The following PRDM5 variants were observed in gnomAD, a reference collection of about 807,000 sequenced individuals.
PRDM5 encodes PR domain zinc finger protein 5.
In PRDM5, 56 loss-of-function variants were observed where a neutral mutation model predicts 81.2. The observed-to-expected ratio is 0.69, with a 90% CI of 0.56 to 0.86. The LOEUF (loss-of-function observed/expected upper bound fraction) is 0.86. PRDM5 is among the 40% of genes least tolerant of loss of function. The pLI is 0.00. For synonymous variants in PRDM5, 267 were observed against 256.4 expected, an observed-to-expected ratio of 1.04 and a Z score of -0.39; for missense variants, 697 against 770.1, an observed-to-expected ratio of 0.91 and a Z score of 1.12.
At chr4:120,807,111 A>G (rs1654905541) in intron 8 of PRDM5, among the ~76,000 whole-genome samples, 2 of 152,250 alleles carry the variant, frequency 1.3e-5, no homozygotes, top group South Asian at 4.1e-4. Context: ...GCTCATCATC[A>G]CTGGCCATCA....
intron 14 of PRDM5, among the ~76,000 whole-genome samples, chr4:120,727,722 G>T (rs1739634635): frequency 6.6e-6 from 1 of 152,082 alleles, no homozygotes; most frequent in South Asian, 2.1e-4. Context: ...GATCACTTGA[G>T]TTCAGGAGTT....
intron 9 of PRDM5, among the ~76,000 whole-genome samples, chr4:120,799,120 T>C (rs763182996): frequency 6.6e-6 from 1 of 151,116 alleles, no homozygotes; most frequent in South Asian, 2.1e-4. Context: ...TTTTTTAATC[T>C]GCATTAGTAA....
In PRDM5 at chr4:120,861,485, C is replaced by T. The variant is rs369073510; in HGVS notation, c.178-7945G>A. ...ATATCCCAGATCCAGAGATCACAGT[C>T]TTGATGGTGTTTTTAGAAAAAGATG... On this transcript the variant is annotated intron_variant, in intron 2 of 15. Transcript: ENST00000264808. 4.6e-5 allele frequency among the ~76,000 whole-genome samples: 7 copies of T among 152,162 alleles called. 1 individual carries two copies. Among genetic ancestry groups the T allele is most frequent in the African/African-American group, 1.4e-4 (6 of 41,514 alleles).
At chr4:120,818,653 T>C in intron 4 of PRDM5, 126 bp from the exon 5 acceptor site, 1 of 810,972 alleles carries the variant, frequency 1.2e-6, no homozygotes, top group African/African-American at 1.7e-5. Flanking sequence ...AAATTCTTAT[T>C]ATCACTATAA....
At position 120,754,541 on chromosome 4, in the gene PRDM5, A is replaced by G. The variant is rs370824618; in HGVS notation, c.1623+12T>C. 3.4e-5 allele frequency: 52 copies of G among 1,523,814 alleles called. No homozygotes were observed. The highest frequency in any genetic ancestry group is 4.7e-5 in the Non-Finnish European group (52 of 1,098,386). 94.4% of individuals were successfully genotyped at this position (1,523,814 alleles called of 1,614,324 possible). ...TCATGATCAATATTAATGAAACAGA[A>G]TATAATCTTACCCTGGTGTGAGTAC... is the stretch of plus-strand genomic sequence containing the variant. On this transcript the variant is annotated intron_variant, in intron 14 of 15. Coordinates refer to ENST00000264808, the MANE Select transcript of PRDM5 (RefSeq NM_018699.4).
chr4:120,824,778 T>C (rs1755744201), intron 3 of PRDM5, among the ~76,000 whole-genome samples: 1 of 152,162 alleles, frequency 6.6e-6, no homozygotes, highest in Non-Finnish European at 1.5e-5. Context: ...TCTCTAACAA[T>C]TGGTTTTAAA....
chr4:120,816,703 T>C (rs752915783), intron 6 of PRDM5, 129 bp from the exon 7 acceptor site: 59 of 1,498,682 alleles, frequency 3.9e-5, no homozygotes, highest in Non-Finnish European at 4.6e-5. Flanking sequence ...GCATTACCTA[T>C]GCAGGTAAGA....
At chr4:120,832,619 G>A (rs1426070996) in intron 3 of PRDM5, among the ~76,000 whole-genome samples, 1 of 152,082 alleles carries the variant, frequency 6.6e-6, no homozygotes, top group Non-Finnish European at 1.5e-5. Context: ...TGCAACCTCA[G>A]TACCTGATGT....
intron 14 of PRDM5, among the ~76,000 whole-genome samples, chr4:120,735,405 T>G (rs1017081777): frequency 6.6e-6 from 1 of 152,220 alleles, no homozygotes; most frequent in Admixed American, 6.5e-5. Flanking sequence ...AGCTCATAAG[T>G]GTCTCCAATA....
At chr4:120,847,043 C>T (rs1432818411) in intron 3 of PRDM5, among the ~76,000 whole-genome samples, 1 of 152,092 alleles carries the variant, frequency 6.6e-6, no homozygotes, top group Non-Finnish European at 1.5e-5. Flanking sequence ...TGCATTCCTT[C>T]TGAGTCTGTA....
chr4:120,713,649 T>A (rs114187750), intron 14 of PRDM5, among the ~76,000 whole-genome samples: 2 of 152,360 alleles, frequency 1.3e-5, no homozygotes, highest in South Asian at 4.1e-4. Flanking sequence ...AACTAAAGTT[T>A]ATCCATATGT....
intron 14 of PRDM5, among the ~76,000 whole-genome samples, chr4:120,721,887 T>C (rs1738660242): frequency 6.6e-6 from 1 of 152,170 alleles, no homozygotes; most frequent in African/African-American, 2.4e-5. Flanking sequence ...GTAAAAGGTA[T>C]AATTGCCCTG....
chr4:120,692,494 T>C lies in PRDM5; in HGVS notation c.*2617A>G, dbSNP rs750985205. ...TAATTTACCAATAAATGCCTCTATA[T>C]AGCCAACAACACACCATGAAAAGGA... On this transcript the variant is annotated 3_prime_UTR_variant, in exon 16 of 16. Transcript: ENST00000264808. 2.6e-5 allele frequency: 4 copies of C among 152,084 alleles called. No homozygotes were observed. Among genetic ancestry groups the C allele is most frequent in the Non-Finnish European group, 4.4e-5 (3 of 68,014 alleles). The allele number at this position is 152,084 out of a possible 1,614,324, so 9.4% of individuals were successfully genotyped here.
chr4:120,793,748 G>A (rs1750925371), intron 10 of PRDM5, among the ~76,000 whole-genome samples: 1 of 151,888 alleles, frequency 6.6e-6, no homozygotes, highest in Admixed American at 6.6e-5. Flanking sequence ...TATCCTTTTT[G>A]TGTGGTGAGA....
intron 2 of PRDM5, among the ~76,000 whole-genome samples, chr4:120,863,219 CACACACAT>C (rs1452858007): frequency 5.5e-5 from 8 of 144,556 alleles, no homozygotes; most frequent in South Asian, 2.2e-4. Context: ...CACACACACA[CACACACAT>C]ATATATGTAT....
At chr4:120,725,297 A>T (rs1481705033) in intron 14 of PRDM5, among the ~76,000 whole-genome samples, 1 of 149,140 alleles carries the variant, frequency 6.7e-6, no homozygotes, top group Non-Finnish European at 1.5e-5. Flanking sequence ...CTGTAAGCAA[A>T]TTTGAGTTCA....
chr4:120,723,329 C>T (rs1192371176), intron 14 of PRDM5, among the ~76,000 whole-genome samples: 2 of 152,166 alleles, frequency 1.3e-5, no homozygotes, highest in Non-Finnish European at 2.9e-5. Context: ...ATTCTGAGAA[C>T]AACGTACTTG....
At chr4:120,688,366 T>C (rs138296333), downstream of PRDM5, among the ~76,000 whole-genome samples, 47 of 152,224 alleles carry the variant, frequency 3.1e-4, no homozygotes, top group East Asian at 6.9e-3. Context: ...ATTTTTAACA[T>C]ATTTTGGATA....
intron 2 of PRDM5, among the ~76,000 whole-genome samples, chr4:120,884,520 T>C (rs913027654): frequency 6.6e-6 from 1 of 152,200 alleles, no homozygotes; most frequent in Non-Finnish European, 1.5e-5. Flanking sequence ...ATAGAAATAA[T>C]GAAAGATACA....
Sources: allele counts gnomAD v4.1 joint callset (sites outside exome capture counted in the v4.1 genomes callset), GRCh38; gene constraint gnomAD v4.1.1; transcripts MANE v1.5; gene names NCBI Gene and HGNC (gene_info 2026-07-23, HGNC 2026-07-21).